Variants in RIT2 observed in about 807,000 individuals in gnomAD.
RIT2 encodes the protein GTP-binding protein Rit2.
RIT2 carries 24 observed loss-of-function variants against 23.7 expected under a neutral mutation model. The observed-to-expected ratio is 1.01, with a 90% CI of 0.73 to 1.43. The LOEUF (loss-of-function observed/expected upper bound fraction) is 1.43. Among genes scored for constraint, RIT2 ranks in the 40% most tolerant of loss-of-function variants. RIT2 has a pLI of 0.00. For synonymous variants in RIT2, 107 were observed against 91.1 expected (o/e 1.17, Z -0.99); for missense variants, 236 against 266.9 (o/e 0.88, Z 0.81).
intron 3 of RIT2, 80 bp downstream of exon 3, chr18:42,973,991 ATCT>A: frequency 1.2e-6 from 1 of 857,618 alleles, no homozygotes; most frequent in Non-Finnish European, 1.9e-6. Context: ...GAATAAAGTC[ATCT>A]TCTCCTTTGT....
chr18:43,105,497 A>AGGAAGAGAGG (rs72193332), intron 1 of RIT2, among the ~76,000 whole-genome samples: 44 of 90,776 alleles, frequency 4.8e-4, no homozygotes, highest in African/African-American at 1.9e-3. Context: ...AGGGAGGAAG[A>AGGAAGAGAGG]AAGGGAGGGA....
At chr18:43,102,929 T>C (rs1568083083) in intron 1 of RIT2, among the ~76,000 whole-genome samples, 1 of 152,130 alleles carries the variant, frequency 6.6e-6, no homozygotes, top group East Asian at 1.9e-4. Context: ...GCTGGGATTA[T>C]GGACGTGAGC....
intron 4 of RIT2, among the ~76,000 whole-genome samples, chr18:42,921,326 T>G (rs1909051319): frequency 6.6e-6 from 1 of 152,164 alleles, no homozygotes; most frequent in Admixed American, 6.6e-5. Context: ...GTTTTCGCAC[T>G]TTCTGTGACT....
intron 4 of RIT2, among the ~76,000 whole-genome samples, chr18:42,761,760 C>T (rs535257787): frequency 2.0e-5 from 3 of 152,296 alleles, no homozygotes; most frequent in African/African-American, 4.8e-5. Flanking sequence ...TCAGTACAAC[C>T]TTTGCCTCCC....
chr18:42,773,767 A>C (rs1313597490), intron 4 of RIT2, among the ~76,000 whole-genome samples: 3 of 152,220 alleles, frequency 2.0e-5, no homozygotes, highest in African/African-American at 7.2e-5. Flanking sequence ...AGGAAGTTGA[A>C]GAAAGGATCC....
intron 2 of RIT2, among the ~76,000 whole-genome samples, chr18:42,993,676 CTA>C (rs1388221734): frequency 6.6e-6 from 1 of 152,118 alleles, no homozygotes; most frequent in Non-Finnish European, 1.5e-5. Flanking sequence ...GCTTCCCTGA[CTA>C]TTCCTGGGCT....
At chr18:43,039,601 G>A (rs1912080423) in intron 1 of RIT2, among the ~76,000 whole-genome samples, 1 of 152,016 alleles carries the variant, frequency 6.6e-6, no homozygotes, top group African/African-American at 2.4e-5. Flanking sequence ...ACCCTCCTTG[G>A]CCTCCCAAAA....
intron 3 of RIT2, among the ~76,000 whole-genome samples, chr18:42,966,844 T>C (rs1465096782): frequency 6.6e-6 from 1 of 152,126 alleles, no homozygotes; most frequent in Non-Finnish European, 1.5e-5. Flanking sequence ...ATATATGATC[T>C]ATATGCTTCA....
At position 43,089,590 on chromosome 18, in the gene RIT2, T is replaced by A. The variant is rs199806445; in HGVS notation, c.103+25827A>T. On this transcript the variant is annotated intron_variant, in intron 1 of 4. Transcript: ENST00000326695. ...CAAGACAATCCTAAGCAAAAAAAAATAAAAAAAAAAATAAAGCTGGAGGTG... is the reference window on the plus strand; with the variant it reads ...CAAGACAATCCTAAGCAAAAAAAAAAAAAAAAAAAAATAAAGCTGGAGGTG... 3.7e-3 allele frequency among the ~76,000 whole-genome samples: 482 copies of A among 129,888 alleles called. 2 individuals are homozygous for A. The highest frequency in any genetic ancestry group is 6.5e-3 in the Admixed American group (85 of 13,062). 85.2% of individuals were successfully genotyped at this position (129,888 alleles called of 152,430 possible). A position where few individuals can be genotyped will look rare whatever the true frequency, so the allele number is the denominator to read the frequency against.
intron 4 of RIT2, among the ~76,000 whole-genome samples, chr18:42,819,284 C>A (rs1355968157): frequency 2.6e-5 from 4 of 152,046 alleles, no homozygotes; most frequent in African/African-American, 4.8e-5. Flanking sequence ...CCTTGCATTT[C>A]TATCCTAACA....
At chr18:43,090,661 A>G (rs1287490375) in intron 1 of RIT2, among the ~76,000 whole-genome samples, 1 of 152,134 alleles carries the variant, frequency 6.6e-6, no homozygotes, top group African/African-American at 2.4e-5. Context: ...TGTGGTACAT[A>G]TACACCATGG....
chr18:42,779,156 C>A, intron 4 of RIT2, among the ~76,000 whole-genome samples: 1 of 152,140 alleles, frequency 6.6e-6, no homozygotes, highest in East Asian at 1.9e-4. Context: ...AGACTGGCTT[C>A]TTCCTGCCTA....
At chr18:43,048,301 G>C (rs1045354887) in intron 1 of RIT2, among the ~76,000 whole-genome samples, 1 of 152,090 alleles carries the variant, frequency 6.6e-6, no homozygotes, top group Non-Finnish European at 1.5e-5. Flanking sequence ...ATTAAAAATT[G>C]GTGACTGGTT....
At chr18:43,046,483 G>C (rs1190424592) in intron 1 of RIT2, among the ~76,000 whole-genome samples, 3 of 152,196 alleles carry the variant, frequency 2.0e-5, no homozygotes, top group Non-Finnish European at 2.9e-5. Context: ...AGTACCCTGA[G>C]ATGAGCTCTG....
At chr18:42,915,287 G>A (rs1908878206) in intron 4 of RIT2, among the ~76,000 whole-genome samples, 1 of 151,674 alleles carries the variant, frequency 6.6e-6, no homozygotes, top group African/African-American at 2.4e-5. Flanking sequence ...CCTGGGAAAG[G>A]GTATAGAGAC....
intron 1 of RIT2, among the ~76,000 whole-genome samples, chr18:43,058,378 A>C (rs903129305): frequency 1.1e-4 from 16 of 152,062 alleles, no homozygotes; most frequent in African/African-American, 3.6e-4. Flanking sequence ...CTTTAGATTC[A>C]CCCGGGAGCT....
intron 4 of RIT2, among the ~76,000 whole-genome samples, chr18:42,817,714 C>T (rs1414139751): frequency 6.6e-6 from 1 of 151,900 alleles, no homozygotes; most frequent in East Asian, 1.9e-4. Context: ...TTTTGATTGG[C>T]CAAGTAATAA....
chr18:42,748,820 G>A (rs139781092), intron 4 of RIT2, among the ~76,000 whole-genome samples: 14 of 152,030 alleles, frequency 9.2e-5, no homozygotes, highest in African/African-American at 2.9e-4. Context: ...CACTACTCGG[G>A]TGATGAATGC....
intron 3 of RIT2, among the ~76,000 whole-genome samples, chr18:42,943,106 C>T (rs1233579135): frequency 6.6e-6 from 1 of 152,036 alleles, no homozygotes; most frequent in African/African-American, 2.4e-5. Context: ...GGAAGGGGAC[C>T]CGAACAGGTT....
Sources: allele counts gnomAD v4.1 joint callset (sites outside exome capture counted in the v4.1 genomes callset), GRCh38; gene constraint gnomAD v4.1.1; transcripts MANE v1.5; gene names NCBI Gene and HGNC (gene_info 2026-07-23, HGNC 2026-07-21).